Variants in EVC observed in about 807,000 individuals in gnomAD.
EVC encodes EvC ciliary complex subunit 1.
A neutral mutation model predicts 118.9 loss-of-function variants in EVC; 116 were observed. The ratio of observed to expected loss-of-function variants is 0.98; its 90% CI spans 0.84 to 1.14. The LOEUF is 1.14. Ranked by LOEUF, EVC falls within the 50% of genes most tolerant of loss-of-function variation. The probability of loss-of-function intolerance (pLI) is 0.00; values close to 1 mark genes in which losing one functional copy is unlikely to be tolerated. For missense variants in EVC, 1,401 were observed against 1,246.4 expected, an observed-to-expected ratio of 1.12 and a Z score of -1.87; for synonymous variants, 619 against 534.7, an observed-to-expected ratio of 1.16 and a Z score of -2.18.
At chr4:5,739,578 G>A (rs1728205329) in intron 5 of EVC, among the ~76,000 whole-genome samples, 2 of 152,284 alleles carry the variant, frequency 1.3e-5, no homozygotes, top group Admixed American at 1.3e-4. Flanking sequence ...TCCATTAAAA[G>A]AAGGATCAAA....
At chr4:5,768,537 G>T (rs1021514763) in intron 11 of EVC, among the ~76,000 whole-genome samples, 1 of 152,108 alleles carries the variant, frequency 6.6e-6, no homozygotes, top group Non-Finnish European at 1.5e-5. Flanking sequence ...GCATATAGAA[G>T]AGTGTTGGGC....
intron 11 of EVC, among the ~76,000 whole-genome samples, chr4:5,758,791 C>T (rs1272809275): frequency 6.6e-6 from 1 of 152,192 alleles, no homozygotes; most frequent in East Asian, 1.9e-4. Flanking sequence ...CCATGCTGCT[C>T]AGTGTTGACG....
At chr4:5,821,589 A>G in the EVC span, 8 of 638,680 alleles carry the variant, frequency 1.3e-5, no homozygotes, top group Admixed American at 8.7e-5. This position sits in a 1 kb window ranked among gnomAD's most constrained non-coding sequence, Gnocchi z 4.4. Flanking sequence ...CCAAGCAAAC[A>G]CACCACACTA....
chr4:5,797,811 A>T (rs1282351871), intron 14 of EVC, among the ~76,000 whole-genome samples: 1 of 152,242 alleles, frequency 6.6e-6, no homozygotes, highest in East Asian at 1.9e-4. Flanking sequence ...ATATACTGGA[A>T]AAACCATACG....
rs920419730 is a variant in EVC at position 5,746,802 on chromosome 4, C to G, written c.940-1346C>G. ...AGAGAAAAGAGCTTTGGTGCCAAAT[C>G]CTGGATCCTGCCCATATTTAAGGAG... On this transcript the variant is annotated intron_variant, in intron 7 of 20. Transcript: ENST00000264956. This position sits in a 1 kb window ranked among gnomAD's most constrained non-coding sequence, Gnocchi z 5.8. Among the ~76,000 whole-genome samples the G allele has an allele frequency of 1.3e-5, 2 of 152,114 alleles. No individual in the cohort carries two copies. The highest frequency in any genetic ancestry group is 2.9e-5 in the Non-Finnish European group (2 of 68,034).
chr4:5,741,615 G>T, intron 5 of EVC, 101 bp from the exon 6 acceptor site: 1 of 686,488 alleles, frequency 1.5e-6, no homozygotes, highest in East Asian at 2.8e-5. Context: ...AAGAAGGAGA[G>T]AGGCAGTGGG....
intron 8 of EVC, among the ~76,000 whole-genome samples, chr4:5,752,300 G>T (rs917853692): frequency 6.6e-6 from 1 of 152,196 alleles, no homozygotes; most frequent in Admixed American, 6.5e-5. Context: ...TCCCTGAAAT[G>T]ATGAGGTGGG....
chr4:5,719,938 A>G lies in EVC; in HGVS notation c.300+565A>G, dbSNP rs1176135995. 2.6e-5 allele frequency among the ~76,000 whole-genome samples: 4 copies of G among 152,178 alleles called. No individual in the cohort carries two copies. Among genetic ancestry groups the G allele is most frequent in the South Asian group, 2.1e-4 (1 of 4,834 alleles). On this transcript the variant is annotated intron_variant, in intron 2 of 20. Transcript: ENST00000264956. The surrounding 1 kb of genome is among the most constrained non-coding windows in gnomAD (Gnocchi z 4.7). ...TTTGACTGTAATGAATAAGCCTACT[A>G]TGAATGTTGGTGCATAAGTCTGTTT...
rs753014919 is a variant in EVC at position 5,783,681 on chromosome 4, GC to G, written c.1694del (p.Ala565ValfsTer23). 5.3e-5 allele frequency: 86 copies of G among 1,613,890 alleles called. No individual in the cohort carries two copies. The highest frequency in any genetic ancestry group is 1.6e-4 in the Middle Eastern group (1 of 6,084). On this transcript the variant is annotated frameshift_variant, in exon 12 of 21. Transcript: ENST00000264956. LOFTEE classifies it high-confidence loss of function. ...DYLRQEVQEN[A>X]AWQLGKSNRF... ...CTTGAGGCAGGAAGTCCAGGAGAAC[GC>G]TGCCTGGCAGCTGGGGAAGTCAAAT...
rs1425151961 is a variant in EVC at position 5,741,710 on chromosome 4, C to T, written c.703-6C>T. 2.0e-6 allele frequency: 3 copies of T among 1,526,578 alleles called. No individual in the cohort carries two copies. Among genetic ancestry groups the T allele is most frequent in the African/African-American group, 1.4e-5 (1 of 73,362 alleles). The allele number at this position is 1,526,578 out of a possible 1,614,324, so 94.6% of individuals were successfully genotyped here. A position where few individuals can be genotyped will look rare whatever the true frequency, so the allele number is the denominator to read the frequency against. On this transcript the variant is annotated splice_region_variant and splice_polypyrimidine_tract_variant and intron_variant, in intron 5 of 20. Transcript: ENST00000264956. The stretch of plus-strand genomic sequence containing the variant: ...TCTTTTGTTATCTTTCCTTTCTTGG[C>T]AATAGATGTTTATTCAGATTTTTAA...
rs187166128 is a variant in EVC at position 5,719,622 on chromosome 4, C to A, written c.300+249C>A. Among the ~76,000 whole-genome samples the A allele has an allele frequency of 6.6e-6, 1 of 152,140 alleles. No individual in the cohort carries two copies. Among genetic ancestry groups the A allele is most frequent in the Non-Finnish European group, 1.5e-5 (1 of 68,052 alleles). On this transcript the variant is annotated intron_variant, in intron 2 of 20. Coordinates refer to ENST00000264956, the MANE Select transcript of EVC (RefSeq NM_153717.3). This position sits in a 1 kb window ranked among gnomAD's most constrained non-coding sequence, Gnocchi z 4.7. ...ATGTTTTCATCACCCAGCAAGTCCTCTAGTGCCCCTTTCTGGTCACTTCCC... is the reference window on the plus strand; with the variant it reads ...ATGTTTTCATCACCCAGCAAGTCCTATAGTGCCCCTTTCTGGTCACTTCCC...
At chr4:5,794,233 A>T (rs1713339065) in intron 13 of EVC, among the ~76,000 whole-genome samples, 1 of 77,710 alleles carries the variant, frequency 1.3e-5, no homozygotes, top group Non-Finnish European at 3.0e-5. Context: ...AAAAATATAT[A>T]TATATTTATA....
Position 5,742,189 on chromosome 4 carries a change from G to A in EVC, c.801+375G>A, listed in dbSNP as rs750553621. ...ATGGAAAGTTTATTTTGTCTCAGGC[G>A]CAGCAAAGAGTCAGGGCTTGGAGTC... is the stretch of plus-strand genomic sequence containing the variant. On this transcript the variant is annotated intron_variant, in intron 6 of 20. Coordinates refer to ENST00000264956, the MANE Select transcript of EVC (RefSeq NM_153717.3). The surrounding 1 kb of genome is among the most constrained non-coding windows in gnomAD (Gnocchi z 5.2). 9.3e-5 allele frequency among the ~76,000 whole-genome samples: 14 copies of A among 151,006 alleles called. No individual in the cohort carries two copies. The highest frequency in any genetic ancestry group is 2.1e-4 in the South Asian group (1 of 4,694).
intron 4 of EVC, 23 bp from the exon 5 acceptor site, chr4:5,733,328 C>G: frequency 6.2e-7 from 1 of 1,602,750 alleles, no homozygotes; most frequent in Non-Finnish European, 8.5e-7. Context: ...AAAGTCTTTT[C>G]CGCTTCTCAT....
intron 1 of EVC, among the ~76,000 whole-genome samples, chr4:5,718,225 G>C (rs1577320653): frequency 6.6e-6 from 1 of 152,160 alleles, no homozygotes; most frequent in Non-Finnish European, 1.5e-5. Flanking sequence ...ACAGGGTTAG[G>C]TTCCTACAAG....
intron 16 of EVC, among the ~76,000 whole-genome samples, chr4:5,803,559 C>G (rs756601819): frequency 6.6e-6 from 1 of 152,236 alleles, no homozygotes; most frequent in African/African-American, 2.4e-5. Context: ...CCCCAGCCCC[C>G]ATCCATCCTC....
intron 11 of EVC, among the ~76,000 whole-genome samples, chr4:5,764,129 C>T (rs1311032204): frequency 6.9e-6 from 1 of 144,934 alleles, no homozygotes; most frequent in Non-Finnish European, 1.5e-5. Context: ...TGAATTTTGT[C>T]AAAGGCCTTT....
intron 16 of EVC, 51 bp from the exon 17 acceptor site, chr4:5,804,679 C>A (rs899848483): frequency 6.5e-7 from 1 of 1,546,948 alleles, no homozygotes; most frequent in Non-Finnish European, 8.9e-7. Context: ...AGACCTGGCA[C>A]AGTGGATCCT....
chr4:5,748,572 C>A (rs1729759341), intron 8 of EVC, among the ~76,000 whole-genome samples: 1 of 104,534 alleles, frequency 9.6e-6, no homozygotes. Context: ...ATTTATCCAT[C>A]CATCCATCCA....
Sources: allele counts gnomAD v4.1 joint callset (sites outside exome capture counted in the v4.1 genomes callset), GRCh38; gene constraint gnomAD v4.1.1; non-coding constraint Gnocchi (gnomAD v3.1); transcripts MANE v1.5; gene names NCBI Gene and HGNC (gene_info 2026-07-23, HGNC 2026-07-21).